The following MAMDC2 variants were observed in gnomAD, a reference collection of about 807,000 sequenced individuals.
The protein encoded by MAMDC2 is MAM domain containing 2.
Under a neutral mutation model 89.8 loss-of-function variants are expected in MAMDC2, and 57 were observed. That is an observed-to-expected ratio of 0.63 (90% confidence interval 0.51 to 0.79). The LOEUF is 0.79. Among genes scored for constraint, MAMDC2 ranks in the 30% least tolerant of loss-of-function variants. The probability of loss-of-function intolerance (pLI) is 0.00; values close to 1 mark genes in which losing one functional copy is unlikely to be tolerated. For synonymous variants in MAMDC2, 313 were observed against 293.4 expected (o/e 1.07, Z -0.68); for missense variants, 800 against 820.6 (o/e 0.97, Z 0.31).
intron 11 of MAMDC2, among the ~76,000 whole-genome samples, chr9:70,206,409 A>G (rs769759468): frequency 4.6e-5 from 7 of 152,144 alleles, no homozygotes; most frequent in Non-Finnish European, 7.4e-5. Context: ...TTCAGGCTCC[A>G]CTAGGGGTCC....
intron 2 of MAMDC2, among the ~76,000 whole-genome samples, chr9:70,052,093 C>A (rs1826919778): frequency 1.3e-5 from 2 of 152,200 alleles, no homozygotes; most frequent in African/African-American, 4.8e-5. Flanking sequence ...CATTAAAAAA[C>A]AACACACACT....
intron 2 of MAMDC2, among the ~76,000 whole-genome samples, chr9:70,084,720 T>G (rs997367608): frequency 6.6e-6 from 1 of 152,122 alleles, no homozygotes; most frequent in African/African-American, 2.4e-5. Context: ...TATGATCCAC[T>G]GAAACTATAA....
At chr9:70,177,603 T>A (rs2032537747) in intron 11 of MAMDC2, among the ~76,000 whole-genome samples, 1 of 152,124 alleles carries the variant, frequency 6.6e-6, no homozygotes, top group Non-Finnish European at 1.5e-5. Context: ...CCACAACCTG[T>A]AAGGTAAGTG....
chr9:70,080,331 A>C (rs1318805825), intron 2 of MAMDC2, among the ~76,000 whole-genome samples: 1 of 152,218 alleles, frequency 6.6e-6, no homozygotes, highest in African/African-American at 2.4e-5. Flanking sequence ...CTATACATGT[A>C]TGTGTACATA....
At chr9:70,076,201 T>A (rs917025702) in intron 2 of MAMDC2, among the ~76,000 whole-genome samples, 1 of 152,124 alleles carries the variant, frequency 6.6e-6, no homozygotes, top group African/African-American at 2.4e-5. Context: ...GGCGGGCAGA[T>A]CACGAGGTCA....
intron 2 of MAMDC2, among the ~76,000 whole-genome samples, chr9:70,104,556 T>A (rs1313757852): frequency 6.6e-6 from 1 of 152,186 alleles, no homozygotes; most frequent in Non-Finnish European, 1.5e-5. Flanking sequence ...GTCCATCAAC[T>A]AATGAATGAA....
intron 11 of MAMDC2, chr9:70,217,264 A>C (rs1489983365): frequency 5.8e-6 from 6 of 1,042,908 alleles, no homozygotes; most frequent in Admixed American, 1.7e-5. Flanking sequence ...CTACGCCAGG[A>C]CCGACGGGAA....
intron 9 of MAMDC2, among the ~76,000 whole-genome samples, chr9:70,145,440 G>A (rs190762253): frequency 3.6e-4 from 55 of 152,206 alleles, no homozygotes; most frequent in African/African-American, 1.3e-3. Flanking sequence ...TTTCCTCTTC[G>A]ATTTACTAGT....
intron 11 of MAMDC2, chr9:70,217,419 A>G (rs2033469544): frequency 1.5e-6 from 2 of 1,318,024 alleles, no homozygotes; most frequent in East Asian, 4.6e-5. Flanking sequence ...CCCACCCAGC[A>G]GTCAAATTCC....
rs374387841 is a variant in MAMDC2 at position 70,124,871 on chromosome 9, A to C, written c.644-1288A>C. On this transcript the variant is annotated intron_variant, in intron 5 of 13. Transcript: ENST00000377182. ...GAGGTGCATGCTACCATGCCCAGCT[A>C]ATTTTAAGAAAGCTTTTCTGTAGAG... Among the ~76,000 whole-genome samples the C allele has an allele frequency of 1.3e-3, 201 of 152,188 alleles. 6 individuals are homozygous for C. In the South Asian group the frequency reaches 0.039, roughly 30 times the overall value.
chr9:70,219,140 T>C (rs2148858), intron 12 of MAMDC2, among the ~76,000 whole-genome samples: 25,084 of 152,072 alleles, frequency 0.16, 2,689 homozygotes, highest in East Asian at 0.4. Flanking sequence ...TCATGTGCTA[T>C]AGAAGATGTC....
At chr9:70,107,074 G>C (rs148491516) in intron 2 of MAMDC2, among the ~76,000 whole-genome samples, 498 of 152,256 alleles carry the variant, frequency 3.3e-3, no homozygotes, top group Non-Finnish European at 5.6e-3. Context: ...CAGGACGAAA[G>C]ACAGCAGGTT....
chr9:70,176,051 C>A (rs1271551062), intron 11 of MAMDC2, among the ~76,000 whole-genome samples: 1 of 152,166 alleles, frequency 6.6e-6, no homozygotes, highest in Non-Finnish European at 1.5e-5. Flanking sequence ...ACAATTGAAC[C>A]CACTCCCAGG....
chr9:70,202,129 C>T (rs1259155546), intron 11 of MAMDC2, among the ~76,000 whole-genome samples: 1 of 151,886 alleles, frequency 6.6e-6, no homozygotes, highest in African/African-American at 2.4e-5. Context: ...TTTTCTGGTT[C>T]TTTTAATTGT....
At chr9:70,134,716 G>A (rs1025185958) in intron 7 of MAMDC2, among the ~76,000 whole-genome samples, 1 of 152,172 alleles carries the variant, frequency 6.6e-6, no homozygotes, top group African/African-American at 2.4e-5. Flanking sequence ...CTACAGCTAA[G>A]GTTGCCCCAG....
intron 9 of MAMDC2, among the ~76,000 whole-genome samples, chr9:70,144,292 T>C (rs1334863306): frequency 1.3e-5 from 2 of 152,168 alleles, no homozygotes; most frequent in African/African-American, 4.8e-5. Context: ...GAACACAGGA[T>C]GAGGAAGCTC....
chr9:70,208,424 GCTCT>G (rs1056946361), intron 11 of MAMDC2, among the ~76,000 whole-genome samples: 1 of 152,052 alleles, frequency 6.6e-6, no homozygotes, highest in Non-Finnish European at 1.5e-5. Context: ...TCATGATTTG[GCTCT>G]CTGTTTGTCT....
chr9:70,044,283 C>G, intron 1 of MAMDC2, 52 bp downstream of exon 1: 1 of 1,587,206 alleles, frequency 6.3e-7, no homozygotes, highest in Non-Finnish European at 8.6e-7. Flanking sequence ...GACTCGCCCC[C>G]GCTCCTGCTG....
At chr9:70,080,552 A>G (rs1036172934) in intron 2 of MAMDC2, among the ~76,000 whole-genome samples, 4 of 152,204 alleles carry the variant, frequency 2.6e-5, no homozygotes, top group African/African-American at 7.2e-5. Context: ...TGTTAAGAAA[A>G]AAGGAAGAAA....
Sources: gnomAD v4.1 joint callset for allele counts (sites outside exome capture counted in the v4.1 genomes callset) on GRCh38, gnomAD v4.1.1 for gene constraint, MANE v1.5 for transcripts, NCBI Gene and HGNC (gene_info 2026-07-23, HGNC 2026-07-21) for gene names.